Variants in AAK1 observed in about 807,000 individuals in gnomAD.
AAK1 encodes AP2-associated protein kinase 1.
A neutral mutation model predicts 116.0 loss-of-function variants in AAK1; 37 were observed. The observed-to-expected ratio is 0.32, with a 90% CI of 0.25 to 0.42. The LOEUF is 0.42. Ranked by LOEUF, AAK1 falls within the 10% of genes least tolerant of loss-of-function variation. The pLI is 1.00. For synonymous variants in AAK1, 458 were observed against 439.9 expected, an observed-to-expected ratio of 1.04 and a Z score of -0.51; for missense variants, 919 against 1,170.6, an observed-to-expected ratio of 0.79 and a Z score of 3.14.
chr2:69,595,317 A>G (rs1673228328), intron 2 of AAK1, among the ~76,000 whole-genome samples: 1 of 152,086 alleles, frequency 6.6e-6, no homozygotes, highest in Admixed American at 6.6e-5. Flanking sequence ...GGTTTCACCA[A>G]GTTGGCTAGG....
At position 69,643,547 on chromosome 2, in the gene AAK1, C is replaced by G. The variant is rs1271280153; in HGVS notation, c.-235+28G>C. 2.4e-6 allele frequency: 3 copies of G among 1,227,976 alleles called. No individual in the cohort carries two copies. In the East Asian group the frequency reaches 9.5e-5, roughly 39 times the overall value. 76.1% of individuals were successfully genotyped at this position (1,227,976 alleles called of 1,614,324 possible). On this transcript the variant is annotated intron_variant, in intron 1 of 21. Transcript: ENST00000409085. ...CTCCTCCCGGGTCTCCCCGCCGCCC[C>G]TCGAGGCGGCATCCTGGCAGCACCC...
At chr2:69,549,282 T>C (rs1303528899) in intron 3 of AAK1, among the ~76,000 whole-genome samples, 1 of 152,114 alleles carries the variant, frequency 6.6e-6, no homozygotes, top group Middle Eastern at 3.2e-3. Context: ...GACAGGAGAA[T>C]TGCTTGAACC....
At chr2:69,507,355 C>T in intron 15 of AAK1, 66 bp downstream of exon 15, 2 of 1,546,954 alleles carry the variant, frequency 1.3e-6, no homozygotes, top group South Asian at 2.4e-5. Context: ...CTTTCTCATT[C>T]CTGGTTATTT....
At chr2:69,586,809 G>C (rs1202238283) in intron 2 of AAK1, among the ~76,000 whole-genome samples, 2 of 152,124 alleles carry the variant, frequency 1.3e-5, no homozygotes, top group Non-Finnish European at 2.9e-5. Flanking sequence ...TTTTTAAAAA[G>C]ATAATTCTCC....
chr2:69,486,121 A>G (rs1024656872), intron 17 of AAK1, among the ~76,000 whole-genome samples: 1 of 151,946 alleles, frequency 6.6e-6, no homozygotes, highest in Non-Finnish European at 1.5e-5. Flanking sequence ...TGCTCGGCTA[A>G]TATTTTTTAT....
chr2:69,544,642 G>C, intron 3 of AAK1, 98 bp from the exon 4 acceptor site: 1 of 863,474 alleles, frequency 1.2e-6, no homozygotes, highest in Non-Finnish European at 1.8e-6. Context: ...TAAATACAGA[G>C]ATGATACAGT....
intron 16 of AAK1, among the ~76,000 whole-genome samples, chr2:69,498,028 C>T (rs959067494): frequency 4.0e-5 from 6 of 150,518 alleles, no homozygotes; most frequent in African/African-American, 1.5e-4. Context: ...CCCCACCCCA[C>T]CCCACCCCAC....
chr2:69,473,535 TG>T lies in AAK1; in HGVS notation c.*2333del. 2.0e-6 allele frequency: 2 copies of T among 985,484 alleles called. No homozygotes were observed. The highest frequency in any genetic ancestry group is 2.4e-6 in the Non-Finnish European group (2 of 829,940). The allele number at this position is 985,484 out of a possible 1,614,324, so 61.0% of individuals were successfully genotyped here. On this transcript the variant is annotated 3_prime_UTR_variant, in exon 22 of 22. Transcript: ENST00000409085. ...TCCCTTAGGCTTCTACTGCCGTCTC[TG>T]GCTTCTAGTCTGCTCATTTTCATTA...
At position 69,643,661 on chromosome 2, in the gene AAK1, C is replaced by G; in HGVS notation, c.-321G>C. The G allele has an allele frequency of 8.2e-7, 1 of 1,226,154 alleles. No individual in the cohort carries two copies. Among genetic ancestry groups the G allele is most frequent in the South Asian group, 4.1e-5 (1 of 24,100 alleles). 76.0% of individuals were successfully genotyped at this position (1,226,154 alleles called of 1,614,324 possible). A position where few individuals can be genotyped will look rare whatever the true frequency, so the allele number is the denominator to read the frequency against. On this transcript the variant is annotated 5_prime_UTR_variant, in exon 1 of 22. Transcript: ENST00000409085. Reference sequence around the variant, plus strand: ...GCCGGCCTGCGACGCAGAGAAGAGGCGGCGCTGCAGCGAGAGCCGGGGCCG... The same window carrying G: ...GCCGGCCTGCGACGCAGAGAAGAGGGGGCGCTGCAGCGAGAGCCGGGGCCG...
intron 21 of AAK1, among the ~76,000 whole-genome samples, chr2:69,476,567 T>C (rs1674866175): frequency 6.6e-6 from 1 of 152,178 alleles, no homozygotes. Flanking sequence ...CTAATCATGA[T>C]AAAAAATGTG....
At position 69,544,433 on chromosome 2, in the gene AAK1, T is replaced by C; in HGVS notation, c.391+3A>G. The C allele has an allele frequency of 6.2e-6, 10 of 1,601,932 alleles. No individual in the cohort carries two copies. The highest frequency in any genetic ancestry group is 8.6e-6 in the Non-Finnish European group (10 of 1,169,204). On this transcript the variant is annotated splice_donor_region_variant and intron_variant, in intron 4 of 21. Transcript: ENST00000409085. ...AGCTTAAGGGAATGGTTCATATACATACCTCTACAAAAGTCCATCAGAATG... is the reference window on the plus strand; with the variant it reads ...AGCTTAAGGGAATGGTTCATATACACACCTCTACAAAAGTCCATCAGAATG...
At chr2:69,612,111 G>A (rs886536198) in intron 2 of AAK1, among the ~76,000 whole-genome samples, 1 of 152,200 alleles carries the variant, frequency 6.6e-6, no homozygotes, top group Non-Finnish European at 1.5e-5. Context: ...TGTACTGCAC[G>A]TTGTGCACAT....
intron 5 of AAK1, among the ~76,000 whole-genome samples, chr2:69,533,998 A>T (rs1278755120): frequency 1.3e-5 from 2 of 152,196 alleles, no homozygotes; most frequent in Non-Finnish European, 2.9e-5. Context: ...GCATATACAC[A>T]CTTTAGGAAT....
chr2:69,600,051 GA>G, intron 2 of AAK1, among the ~76,000 whole-genome samples: 1 of 151,412 alleles, frequency 6.6e-6, no homozygotes, highest in Non-Finnish European at 1.5e-5. Flanking sequence ...CAAAGTGCTA[GA>G]ATTACAGGCA....
chr2:69,483,178 A>G (rs1208111401), intron 17 of AAK1, among the ~76,000 whole-genome samples: 1 of 152,210 alleles, frequency 6.6e-6, no homozygotes, highest in African/African-American at 2.4e-5. Context: ...ATGATACAGA[A>G]CATTTCCAAA....
chr2:69,574,693 G>A (rs1025970028), intron 2 of AAK1, among the ~76,000 whole-genome samples: 22 of 152,190 alleles, frequency 1.4e-4, no homozygotes, highest in Middle Eastern at 3.4e-3. Flanking sequence ...TGTACACGAC[G>A]GGGATGGTGG....
rs187912953 is a variant in AAK1, at chr2:69,619,496, C to A, written c.163+23382G>T. 3.9e-4 allele frequency among the ~76,000 whole-genome samples: 60 copies of A among 152,186 alleles called. 1 individual carries two copies. In the Middle Eastern group the frequency reaches 0.014, roughly 35 times the overall value. On this transcript the variant is annotated intron_variant, in intron 2 of 21. Coordinates refer to ENST00000409085, the MANE Select transcript of AAK1 (RefSeq NM_014911.5). ...TTAATCAACAAATATTTACTGTGTC[C>A]CTACTCTATGAGAGCCATGGTTCTA...
intron 2 of AAK1, among the ~76,000 whole-genome samples, chr2:69,574,670 A>T (rs982384285): frequency 6.6e-6 from 1 of 152,166 alleles, no homozygotes; most frequent in Non-Finnish European, 1.5e-5. Flanking sequence ...CTAGTAAAAT[A>T]TTGAACATTA....
chr2:69,591,515 T>A (rs1673024105), intron 2 of AAK1, among the ~76,000 whole-genome samples: 2 of 138,162 alleles, frequency 1.4e-5, no homozygotes, highest in African/African-American at 5.3e-5. Context: ...TTTTCTTTTT[T>A]TCTTTTTCTT....
Sources: allele counts gnomAD v4.1 joint callset (sites outside exome capture counted in the v4.1 genomes callset), GRCh38; gene constraint gnomAD v4.1.1; transcripts MANE v1.5; gene names NCBI Gene and HGNC (gene_info 2026-07-23, HGNC 2026-07-21).